The following DCHS2 variants were observed in gnomAD, a reference collection of about 807,000 sequenced individuals.
DCHS2 encodes the protein dachsous cadherin-related 2, also known as protocadherin-23.
Under a neutral mutation model 182.4 loss-of-function variants are expected in DCHS2, and 142 were observed. The observed-to-expected ratio is 0.78, with a 90% CI of 0.68 to 0.89. DCHS2 has a LOEUF of 0.89. DCHS2 is among the 40% of genes least tolerant of loss of function. The probability of loss-of-function intolerance (pLI) is 0.00; values close to 1 mark genes in which losing one functional copy is unlikely to be tolerated. For missense variants in DCHS2, 4,319 were observed against 4,198.6 expected (o/e 1.03, Z -0.79); for synonymous variants, 1,740 against 1,663.3 (o/e 1.05, Z -1.12).
intron 1 of DCHS2, among the ~76,000 whole-genome samples, chr4:154,383,939 T>C (rs1287754761): frequency 6.6e-6 from 1 of 152,240 alleles, no homozygotes; most frequent in East Asian, 1.9e-4. Flanking sequence ...TAGCCCACTT[T>C]AATTTTTTTC....
intron 13 of DCHS2, among the ~76,000 whole-genome samples, chr4:154,283,074 A>C (rs1176672491): frequency 6.6e-6 from 1 of 152,180 alleles, no homozygotes; most frequent in African/African-American, 2.4e-5. Flanking sequence ...TACAAAATGA[A>C]AAATATCTAG....
In DCHS2 at chr4:154,240,691, A is replaced by T; in HGVS notation, c.7205T>A (p.Val2402Glu). The T allele has an allele frequency of 6.2e-7, 1 of 1,613,934 alleles. No homozygotes were observed. Among genetic ancestry groups the T allele is most frequent in the Non-Finnish European group, 8.5e-7 (1 of 1,179,910 alleles). Residue 2402 changes from valine to glutamate, a missense_variant, in exon 18 of 20, where the codon GTG (valine) becomes GAG (glutamate). Coordinates refer to ENST00000357232, the MANE Select transcript of DCHS2 (RefSeq NM_001358235.2). Reference protein sequence around the residue: ...KFAIDQNTGVVVLVKTLDFEE... With the variant: ...KFAIDQNTGVEVLVKTLDFEE... ...AAAATCCAATGTTTTCACCAACACCACCACTCCAGTGTTCTGATCAATAGC... is the reference window on the plus strand; with the variant it reads ...AAAATCCAATGTTTTCACCAACACCTCCACTCCAGTGTTCTGATCAATAGC...
intron 13 of DCHS2, among the ~76,000 whole-genome samples, chr4:154,294,154 G>A (rs1417760970): frequency 3.9e-5 from 6 of 152,188 alleles, no homozygotes; most frequent in Non-Finnish European, 8.8e-5. Flanking sequence ...TGGTAATCAT[G>A]ATGGTGAAAT....
At chr4:154,443,280 A>G (rs997457137) in intron 1 of DCHS2, among the ~76,000 whole-genome samples, 4 of 152,146 alleles carry the variant, frequency 2.6e-5, no homozygotes, top group Admixed American at 1.3e-4. Context: ...CTCCCTTAAA[A>G]CTTACTAACA....
intron 16 of DCHS2, among the ~76,000 whole-genome samples, chr4:154,250,719 C>T (rs1037213090): frequency 1.9e-4 from 29 of 152,174 alleles, no homozygotes; most frequent in African/African-American, 7.0e-4. Context: ...ATCCATGTAA[C>T]AGACTTTTCA....
chr4:154,488,674 G>A (rs1447973763), intron 1 of DCHS2, among the ~76,000 whole-genome samples: 1 of 152,076 alleles, frequency 6.6e-6, no homozygotes, highest in Non-Finnish European at 1.5e-5. Context: ...AAGTTGAGGA[G>A]GGCAGATCAC....
chr4:154,319,826 A>T (rs900219553), intron 9 of DCHS2, among the ~76,000 whole-genome samples: 1 of 152,142 alleles, frequency 6.6e-6, no homozygotes, highest in Non-Finnish European at 1.5e-5. Flanking sequence ...CAGCAACTCC[A>T]CTTTTGGATA....
In DCHS2 at chr4:154,240,838, A is replaced by C; in HGVS notation, c.7073-15T>G. Reference sequence around the variant, plus strand: ...AGGCAAAGAATCTGAAATAGTCATGACCAGTGTCAGTCTCCATTAAAATTC... The same window carrying C: ...AGGCAAAGAATCTGAAATAGTCATGCCCAGTGTCAGTCTCCATTAAAATTC... On this transcript the variant is annotated splice_polypyrimidine_tract_variant and intron_variant, in intron 17 of 19. Coordinates refer to ENST00000357232, the MANE Select transcript of DCHS2 (RefSeq NM_001358235.2). The C allele has an allele frequency of 1.2e-6, 2 of 1,612,018 alleles. No homozygotes were observed. Among genetic ancestry groups the C allele is most frequent in the Non-Finnish European group, 1.7e-6 (2 of 1,178,916 alleles).
At chr4:154,434,726 T>C (rs1235027042) in intron 1 of DCHS2, among the ~76,000 whole-genome samples, 1 of 152,202 alleles carries the variant, frequency 6.6e-6, no homozygotes, top group Non-Finnish European at 1.5e-5. Context: ...TGATAAGCCA[T>C]GTTGATAGCA....
chr4:154,366,227 G>GT lies in DCHS2; in HGVS notation c.2458dup (p.Thr820AsnfsTer3). The GT allele has an allele frequency of 6.2e-7, 1 of 1,613,368 alleles. No homozygotes were observed. Among genetic ancestry groups the GT allele is most frequent in the Non-Finnish European group, 8.5e-7 (1 of 1,179,702 alleles). ...TCACATACCTGTGGTGGAGTCAATGGTAAAAAGGGACGACACGTTTCCTGG... is the reference window on the plus strand; with the variant it reads ...TCACATACCTGTGGTGGAGTCAATGGTTAAAAAGGGACGACACGTTTCCTGG... On this transcript the variant is annotated frameshift_variant, in exon 3 of 20. Transcript: ENST00000357232. LOFTEE classifies it high-confidence loss of function.
In DCHS2 at chr4:154,235,123, AG is replaced by A; in HGVS notation, c.9528del (p.Cys3177ValfsTer37). ...EGDQGEGCSTTCAQNNVLPQT... is the reference protein window; with the variant it reads ...EGDQGEGCSTXCAQNNVLPQT... Reference sequence around the variant, plus strand: ...TGGGGTAACACATTATTTTGAGCACAGGTGGTGCTGCAGCCTTCCCCTTGAT... The same window carrying A: ...TGGGGTAACACATTATTTTGAGCACAGTGGTGCTGCAGCCTTCCCCTTGAT... On this transcript the variant is annotated frameshift_variant, in exon 20 of 20. Transcript: ENST00000357232. LOFTEE classifies it low-confidence loss of function (END_TRUNC). 1 of 1,613,996 alleles carries A rather than the reference AG, an allele frequency of 6.2e-7. No homozygotes were observed. The highest frequency in any genetic ancestry group is 8.5e-7 in the Non-Finnish European group (1 of 1,179,956).
In DCHS2 at chr4:154,242,682, G is replaced by A; in HGVS notation, c.7032C>T (p.Ala2344=). The change falls in exon 17 of 20, where the codon GCC becomes GCT. Residue 2344 remains alanine (A), a synonymous_variant. Coordinates refer to ENST00000357232, the MANE Select transcript of DCHS2 (RefSeq NM_001358235.2). ...KVQVTDINDN[A]PAFLPSEAVE... is the part of the protein sequence containing the mutation. Reference sequence around the variant, plus strand: ...CTGCTTCAGAGGGGAGAAAAGCTGGGGCATTGTCATTTATATCAGTCACCT... The same window carrying A: ...CTGCTTCAGAGGGGAGAAAAGCTGGAGCATTGTCATTTATATCAGTCACCT... 1 of 1,612,826 alleles carries A rather than the reference G, an allele frequency of 6.2e-7. No individual in the cohort carries two copies. The highest frequency in any genetic ancestry group is 1.1e-5 in the South Asian group (1 of 90,958).
At position 154,366,282 on chromosome 4, in the gene DCHS2, T is replaced by C. The variant is rs747894511; in HGVS notation, c.2404A>G (p.Ile802Val). The C allele has an allele frequency of 6.2e-7, 1 of 1,613,418 alleles. No individual in the cohort carries two copies. Among genetic ancestry groups the C allele is most frequent in the Non-Finnish European group, 8.5e-7 (1 of 1,179,900 alleles). ...AGCTCATAAGCCACTGTCCCATATA[T>C]CCCAGAGTCCTGGTCAGTGGCAAGA... ...NVLATDQDSGIYGTVAYELIP... is the reference protein window; with the variant it reads ...NVLATDQDSGVYGTVAYELIP... Residue 802 changes from isoleucine to valine, a missense_variant, in exon 3 of 20, where the codon ATA becomes GTA. Physicochemically the swap from Ile to Val is conservative, Grantham distance 29 (BLOSUM62 3). Transcript: ENST00000357232.
intron 1 of DCHS2, among the ~76,000 whole-genome samples, chr4:154,400,428 T>C (rs972336210): frequency 7.9e-5 from 12 of 151,530 alleles, no homozygotes; most frequent in African/African-American, 2.4e-4. Flanking sequence ...CACTACACTC[T>C]TCAGTAACCA....
At chr4:154,243,045 G>C (rs1731902887) in intron 16 of DCHS2, among the ~76,000 whole-genome samples, 1 of 152,126 alleles carries the variant, frequency 6.6e-6, no homozygotes, top group South Asian at 2.1e-4. Flanking sequence ...CGGAGAGCCA[G>C]ACTGTAAAAT....
At position 154,330,065 on chromosome 4, in the gene DCHS2, A is replaced by T. The variant is rs111381192; in HGVS notation, c.3731-355T>A. On this transcript the variant is annotated intron_variant, in intron 5 of 19. Coordinates refer to ENST00000357232, the MANE Select transcript of DCHS2 (RefSeq NM_001358235.2). ...TTATGCTGCTATACAGAATGATGGA[A>T]AGCATGTGAGCTCTGACACAGGTTC... is the stretch of plus-strand genomic sequence containing the variant. 2.5e-3 allele frequency among the ~76,000 whole-genome samples: 376 copies of T among 152,336 alleles called. 5 individuals carry two copies. In the South Asian group the frequency reaches 0.029, roughly 12 times the overall value.
chr4:154,306,400 T>C (rs114600413), intron 10 of DCHS2, among the ~76,000 whole-genome samples: 2,251 of 152,240 alleles, frequency 0.015, 27 homozygotes, highest in Non-Finnish European at 0.023. Context: ...ATAGTGATTA[T>C]TTCAGTAACT....
intron 13 of DCHS2, among the ~76,000 whole-genome samples, chr4:154,284,744 C>A (rs535356929): frequency 6.6e-6 from 1 of 152,140 alleles, no homozygotes; most frequent in African/African-American, 2.4e-5. Flanking sequence ...GCAGTTGGAA[C>A]CTGAATTCCA....
At chr4:154,264,945 C>T (rs1733168064) in intron 14 of DCHS2, among the ~76,000 whole-genome samples, 1 of 151,990 alleles carries the variant, frequency 6.6e-6, no homozygotes, top group Non-Finnish European at 1.5e-5. Context: ...AGGAGCACTT[C>T]GAGATCAGTA....
Sources: allele counts gnomAD v4.1 joint callset (sites outside exome capture counted in the v4.1 genomes callset), GRCh38; gene constraint gnomAD v4.1.1; transcripts MANE v1.5; gene names NCBI Gene and HGNC (gene_info 2026-07-23, HGNC 2026-07-21).